Variants in DIAPH3 observed in about 807,000 individuals in gnomAD.
DIAPH3 encodes the protein protein diaphanous homolog 3.
DIAPH3 carries 117 observed loss-of-function variants against 144.3 expected under a neutral mutation model. The observed-to-expected ratio is 0.81, with a 90% CI of 0.70 to 0.95. The LOEUF (loss-of-function observed/expected upper bound fraction) is 0.95. DIAPH3 is among the 40% of genes least tolerant of loss of function. The pLI, the probability that DIAPH3 is intolerant of heterozygous loss-of-function variation, is 0.00. For missense variants in DIAPH3, 1,421 were observed against 1,412.7 expected (o/e 1.01, Z -0.09); for synonymous variants, 519 against 488.9 (o/e 1.06, Z -0.81).
At chr13:59,748,123 G>T (rs2036794430) in intron 27 of DIAPH3, among the ~76,000 whole-genome samples, 1 of 152,198 alleles carries the variant, frequency 6.6e-6, no homozygotes, top group African/African-American at 2.4e-5. Context: ...CGTTGGTAGA[G>T]TTCCGGGTAC....
intron 27 of DIAPH3, among the ~76,000 whole-genome samples, chr13:59,736,796 T>C (rs1272413506): frequency 6.6e-6 from 1 of 152,110 alleles, no homozygotes; most frequent in Non-Finnish European, 1.5e-5. Context: ...TGCATAGTAC[T>C]GGTACAAAAC....
chr13:59,903,209 G>A (rs2046544774), intron 20 of DIAPH3, among the ~76,000 whole-genome samples: 1 of 152,204 alleles, frequency 6.6e-6, no homozygotes, highest in Admixed American at 6.5e-5. Context: ...TTAGGAGACT[G>A]AACTCTGGGA....
rs1350645536 is a variant in DIAPH3, at chr13:59,833,143, A to G, written c.2991T>C (p.Phe997=). ...IDVKKVSVED[F]LTDLNNFRTT... ...TTCTGAAGTTATTCAGGTCAGTAAG[A>G]AAGTCTTCCACAGACACCTTCTTCA... The change falls in exon 24 of 28, where the codon TTT becomes TTC. Residue 997 remains phenylalanine (F), a synonymous_variant. Transcript: ENST00000400324. 2 of 1,610,796 alleles carry G rather than the reference A, an allele frequency of 1.2e-6. No individual in the cohort carries two copies. Among genetic ancestry groups the G allele is most frequent in the Non-Finnish European group, 1.7e-6 (2 of 1,178,092 alleles).
At chr13:60,001,002 AT>A (rs1212991026) in intron 9 of DIAPH3, among the ~76,000 whole-genome samples, 1 of 152,146 alleles carries the variant, frequency 6.6e-6, no homozygotes, top group South Asian at 2.1e-4. Flanking sequence ...TTGCAAGACA[AT>A]TCTCCCTGGG....
chr13:59,796,985 G>T (rs2039642469), intron 25 of DIAPH3, among the ~76,000 whole-genome samples: 2 of 152,024 alleles, frequency 1.3e-5, no homozygotes, highest in African/African-American at 4.8e-5. Context: ...AAGCTAACTG[G>T]CCTGCTATTA....
intron 27 of DIAPH3, among the ~76,000 whole-genome samples, chr13:59,735,761 T>A (rs2036117330): frequency 6.6e-6 from 1 of 152,156 alleles, no homozygotes; most frequent in African/African-American, 2.4e-5. Flanking sequence ...TAATTTCTTT[T>A]TTTTGTTGTT....
chr13:60,059,828 T>G (rs1389198850), intron 4 of DIAPH3, among the ~76,000 whole-genome samples: 1 of 152,060 alleles, frequency 6.6e-6, no homozygotes, highest in African/African-American at 2.4e-5. Flanking sequence ...TAGTCATTGG[T>G]TCATTATCGT....
intron 25 of DIAPH3, among the ~76,000 whole-genome samples, chr13:59,795,453 C>CT (rs1280494259): frequency 3.4e-5 from 5 of 145,604 alleles, no homozygotes; most frequent in Non-Finnish European, 6.0e-5. Flanking sequence ...CATTCTCTCT[C>CT]TCTTTTTTTT....
At chr13:59,774,593 A>G (rs1315680047) in intron 26 of DIAPH3, 135 bp downstream of exon 26, 26 of 864,632 alleles carry the variant, frequency 3.0e-5, no homozygotes, top group Non-Finnish European at 4.6e-5. Context: ...GATTAAGCAA[A>G]CTTATGAAAC....
Position 60,112,202 on chromosome 13 carries a change from G to A in DIAPH3, c.214-16C>T, listed in dbSNP as rs765798991. On this transcript the variant is annotated splice_polypyrimidine_tract_variant and intron_variant, in intron 2 of 27. Coordinates refer to ENST00000400324, the MANE Select transcript of DIAPH3 (RefSeq NM_001042517.2). ...ATTTGTCCAGCTACAAAGAAAGACAGAATGACACACGTGTAAGTATTTCCT... is the reference window on the plus strand; with the variant it reads ...ATTTGTCCAGCTACAAAGAAAGACAAAATGACACACGTGTAAGTATTTCCT... 2 of 1,613,462 alleles carry A rather than the reference G, an allele frequency of 1.2e-6. No homozygotes were observed. The highest frequency in any genetic ancestry group is 1.7e-5 in the Admixed American group (1 of 60,010).
At chr13:59,760,902 T>C (rs898566323) in intron 27 of DIAPH3, among the ~76,000 whole-genome samples, 7 of 152,168 alleles carry the variant, frequency 4.6e-5, no homozygotes, top group Non-Finnish European at 1.5e-5. Context: ...TAGAAGGAGA[T>C]TGCAAGCATG....
intron 3 of DIAPH3, among the ~76,000 whole-genome samples, chr13:60,106,754 C>A (rs1474030998): frequency 6.6e-6 from 1 of 151,866 alleles, no homozygotes; most frequent in Non-Finnish European, 1.5e-5. Context: ...AGCAAAGGGC[C>A]AATAAGCATG....
At chr13:60,036,221 T>C (rs1274068052) in intron 5 of DIAPH3, among the ~76,000 whole-genome samples, 1 of 152,186 alleles carries the variant, frequency 6.6e-6, no homozygotes, top group Non-Finnish European at 1.5e-5. Flanking sequence ...TATAATAGTC[T>C]CACCATCTGG....
At chr13:60,092,200 A>G (rs961570781) in intron 4 of DIAPH3, among the ~76,000 whole-genome samples, 1 of 151,986 alleles carries the variant, frequency 6.6e-6, no homozygotes, top group Non-Finnish European at 1.5e-5. Context: ...GTAAAATAAG[A>G]TTTCCAAGGT....
intron 17 of DIAPH3, among the ~76,000 whole-genome samples, chr13:59,968,218 T>C (rs1183015368): frequency 2.0e-5 from 3 of 152,172 alleles, no homozygotes; most frequent in Non-Finnish European, 4.4e-5. Context: ...ATTAAAGACA[T>C]GCTAACAAGT....
Position 59,671,160 on chromosome 13 carries a change from CA to C in DIAPH3, c.3320-4315del, listed in dbSNP as rs552598174. On this transcript the variant is annotated intron_variant, in intron 27 of 27. Transcript: ENST00000400324. ...ACTTAGTTTCTAAATGGTTGACTTTCAAACAACAGAGTGATCCCACAACCTT... is the reference window on the plus strand; with the variant it reads ...ACTTAGTTTCTAAATGGTTGACTTTCAACAACAGAGTGATCCCACAACCTT... Among the ~76,000 whole-genome samples the C allele has an allele frequency of 1.6e-3, 246 of 152,286 alleles. 1 individual carries two copies. The highest frequency in any genetic ancestry group is 5.4e-3 in the African/African-American group (224 of 41,546).
intron 2 of DIAPH3, among the ~76,000 whole-genome samples, chr13:60,121,234 GT>G (rs199826464): frequency 5.1e-4 from 76 of 149,176 alleles, no homozygotes; most frequent in Non-Finnish European, 9.4e-4. Context: ...ATGCTGATAG[GT>G]TTTTTTTTTC....
At chr13:59,670,469 G>A (rs1379380268) in intron 27 of DIAPH3, among the ~76,000 whole-genome samples, 2 of 152,120 alleles carry the variant, frequency 1.3e-5, no homozygotes, top group African/African-American at 4.8e-5. Context: ...GTAGAAATGA[G>A]CAAGTCAGAT....
intron 8 of DIAPH3, among the ~76,000 whole-genome samples, 175 bp downstream of exon 8, chr13:60,010,358 G>T (rs574055263): frequency 6.6e-6 from 1 of 152,022 alleles, no homozygotes; most frequent in East Asian, 1.9e-4. Flanking sequence ...TCAATTAAGA[G>T]AAATAATTAC....
Sources: allele counts gnomAD v4.1 joint callset (sites outside exome capture counted in the v4.1 genomes callset), GRCh38; gene constraint gnomAD v4.1.1; transcripts MANE v1.5; gene names NCBI Gene and HGNC (gene_info 2026-07-23, HGNC 2026-07-21).